Variants in MYCL observed in about 807,000 individuals in gnomAD.
The protein encoded by MYCL is MYCL proto-oncogene, bHLH transcription factor.
Under a neutral mutation model 31.0 loss-of-function variants are expected in MYCL, and 11 were observed. That is an observed-to-expected ratio of 0.35 (90% CI 0.22 to 0.59). The LOEUF (loss-of-function observed/expected upper bound fraction) is 0.59, where lower values mean the gene tolerates loss of function less well. Among genes scored for constraint, MYCL ranks in the 20% least tolerant of loss-of-function variants. The pLI, the probability that MYCL is intolerant of heterozygous loss-of-function variation, is 0.79. For synonymous variants in MYCL, 208 were observed against 202.4 expected, an observed-to-expected ratio of 1.03 and a Z score of -0.23; for missense variants, 427 against 486.1, an observed-to-expected ratio of 0.88 and a Z score of 1.14.
Position 39,901,751 on chromosome 1 carries a change from T to G in MYCL, c.-317A>C. The stretch of plus-strand genomic sequence containing the variant: ...GGCGCGCCGTGCCCAGAAGGCAGCC[T>G]GCAGCCAGCCCGCACCGCGGGACCC... On this transcript the variant is annotated 5_prime_UTR_variant, in exon 1 of 2. Transcript: ENST00000372816. The surrounding 1 kb of genome is among the most constrained non-coding windows in gnomAD (Gnocchi z 6.9). The G allele has an allele frequency of 8.2e-7, 1 of 1,213,370 alleles. No homozygotes were observed. Among genetic ancestry groups the G allele is most frequent in the Non-Finnish European group, 1.0e-6 (1 of 977,356 alleles). 75.2% of individuals were successfully genotyped at this position (1,213,370 alleles called of 1,614,324 possible).
Position 39,897,031 on chromosome 1 carries a change from C to A in MYCL, c.*341G>T, listed in dbSNP as rs1644489169. ...TGAGATTTCATGCAGGCTGGAGCCCCTGACAACATCCACCACCTGTTGCAT... is the reference window on the plus strand; with the variant it reads ...TGAGATTTCATGCAGGCTGGAGCCCATGACAACATCCACCACCTGTTGCAT... On this transcript the variant is annotated 3_prime_UTR_variant, in exon 2 of 2. Transcript: ENST00000372816. This position sits in a 1 kb window ranked among gnomAD's most constrained non-coding sequence, Gnocchi z 4.3. 3 of 279,940 alleles carry A rather than the reference C, an allele frequency of 1.1e-5. No homozygotes were observed. The East Asian group carries it at 1.7e-4, about 16-fold the overall frequency. 17.3% of individuals were successfully genotyped at this position (279,940 alleles called of 1,614,324 possible). A position where few individuals can be genotyped will look rare whatever the true frequency, so the allele number is the denominator to read the frequency against.
Position 39,897,465 on chromosome 1 carries a change from C to G in MYCL, c.1002G>C (p.Val334=). 6.2e-7 allele frequency: 1 copy of G among 1,614,248 alleles called. No homozygotes were observed. Among genetic ancestry groups the G allele is most frequent in the Non-Finnish European group, 8.5e-7 (1 of 1,180,028 alleles). ...SKALEYLQAL[V]GAEKRMATEK... ...CTGTAGCCATCCTCTTCTCAGCCCCCACCAGGGCTTGCAAGTATTCCAAGG... is the reference window on the plus strand; with the variant it reads ...CTGTAGCCATCCTCTTCTCAGCCCCGACCAGGGCTTGCAAGTATTCCAAGG... Residue 334 remains valine (V), a synonymous_variant, in exon 2 of 2, where the codon GTG becomes GTC. Coordinates refer to ENST00000372816, the MANE Select transcript of MYCL (RefSeq NM_001033081.3). The surrounding 1 kb of genome is among the most constrained non-coding windows in gnomAD (Gnocchi z 4.3).
At chr1:39,898,337 A>G (rs1174820264) in intron 1 of MYCL, among the ~76,000 whole-genome samples, 1 of 152,234 alleles carries the variant, frequency 6.6e-6, no homozygotes, top group African/African-American at 2.4e-5. Flanking sequence ...AGCTATAAAG[A>G]TCTTCCCCAG....
rs536695547 is a variant in MYCL, at chr1:39,895,635, T to TA, written c.*1736dup. On this transcript the variant is annotated 3_prime_UTR_variant, in exon 2 of 2. Coordinates refer to ENST00000372816, the MANE Select transcript of MYCL (RefSeq NM_001033081.3). ...GCAAAAGGCATACAAAAATACAATA[T>TA]AAAAAAAAAAGACTCCCCCAGCATA... The TA allele has an allele frequency of 2.9e-3, 582 of 202,794 alleles. No homozygotes were observed. The South Asian group carries it at 0.029, about 10-fold the overall frequency. 12.6% of individuals were successfully genotyped at this position (202,794 alleles called of 1,614,324 possible).
rs761835464 is a variant in MYCL at position 39,898,887 on chromosome 1, G to C, written c.497-917C>G. The C allele has an allele frequency of 6.2e-5, 61 of 985,424 alleles. 1 individual carries two copies. In the Middle Eastern group the frequency reaches 4.2e-3, roughly 68 times the overall value. 61.0% of individuals were successfully genotyped at this position (985,424 alleles called of 1,614,324 possible). A position where few individuals can be genotyped will look rare whatever the true frequency, so the allele number is the denominator to read the frequency against. ...AACCTAACCAGGAGAGGGGCAATTG[G>C]GAGAAAAGTCTCCTCCTGCTCCACA... On this transcript the variant is annotated intron_variant, in intron 1 of 1. Transcript: ENST00000372816.
Position 39,897,534 on chromosome 1 carries a change from C to T in MYCL, c.933G>A (p.Leu311=), listed in dbSNP as rs1421143642. The part of the protein sequence containing the change: ...FLALRDQVPT[L]ASCSKAPKVV... ...CTTTGGGGGCCTTGGAGCAGCTGGC[C>T]AGGGTGGGCACCTGGTCCCTCAGCG... Residue 311 remains leucine (L), a synonymous_variant, in exon 2 of 2, where the codon CTG becomes CTA. Transcript: ENST00000372816. This position sits in a 1 kb window ranked among gnomAD's most constrained non-coding sequence, Gnocchi z 4.3. The T allele has an allele frequency of 2.5e-6, 4 of 1,614,070 alleles. No individual in the cohort carries two copies. In the African/African-American group the frequency reaches 5.3e-5, roughly 22 times the overall value.
Position 39,901,013 on chromosome 1 carries a change from G to C in MYCL, c.422C>G (p.Ala141Gly). Residue 141 changes from alanine (A) to glycine (G), a missense_variant, in exon 1 of 2, where the codon GCG (alanine) becomes GGG (glycine). By Grantham distance (60) the Ala-to-Gly change is moderately conservative (BLOSUM62 0). Transcript: ENST00000372816. The surrounding 1 kb of genome is among the most constrained non-coding windows in gnomAD (Gnocchi z 6.9). The stretch of plus-strand genomic sequence containing the variant: ...GCCCAGCGGACAGGGGGCGGCGGGC[G>C]CCGGGTTGCCGGCTTCGAGGCTGGG... ...CTPSLEAGNP[A>G]PAAPCPLGEP... is the part of the protein sequence containing the mutation. 1 of 1,490,232 alleles carries C rather than the reference G, an allele frequency of 6.7e-7. No homozygotes were observed. Among genetic ancestry groups the C allele is most frequent in the Non-Finnish European group, 8.9e-7 (1 of 1,121,564 alleles). 92.3% of individuals were successfully genotyped at this position (1,490,232 alleles called of 1,614,324 possible).
At position 39,901,797 on chromosome 1, in the gene MYCL, C is replaced by T; in HGVS notation, c.-363G>A. 7.8e-7 allele frequency: 1 copy of T among 1,279,200 alleles called. No homozygotes were observed. The highest frequency in any genetic ancestry group is 1.0e-6 in the Non-Finnish European group (1 of 1,002,324). The allele number at this position is 1,279,200 out of a possible 1,614,324, so 79.2% of individuals were successfully genotyped here. On this transcript the variant is annotated 5_prime_UTR_variant, in exon 1 of 2. Transcript: ENST00000372816. The surrounding 1 kb of genome is among the most constrained non-coding windows in gnomAD (Gnocchi z 6.9). ...GACCCGCGCCCGTGCCCTGGCCACCCGCAGCCTCACCTCGCTCCAGCCGCC... is the reference window on the plus strand; with the variant it reads ...GACCCGCGCCCGTGCCCTGGCCACCTGCAGCCTCACCTCGCTCCAGCCGCC...
chr1:39,899,046 TC>T (rs1190531943), intron 1 of MYCL: 7 of 985,324 alleles, frequency 7.1e-6, no homozygotes, highest in Non-Finnish European at 8.4e-6. Context: ...GTGTGGACAA[TC>T]GCATTATTTC....
Position 39,898,255 on chromosome 1 carries a change from C to A in MYCL, c.497-285G>T, listed in dbSNP as rs566925399. ...AAGGCAGACCCAAGCCAACAGCCCC[C>A]AGTCTGCAAAGGCTCTCCCCTCCCC... On this transcript the variant is annotated intron_variant, in intron 1 of 1. Coordinates refer to ENST00000372816, the MANE Select transcript of MYCL (RefSeq NM_001033081.3). Among the ~76,000 whole-genome samples, 16 of 152,348 alleles carry A rather than the reference C, an allele frequency of 1.1e-4. 1 individual carries two copies. In the South Asian group the frequency reaches 3.3e-3, roughly 32 times the overall value.
chr1:39,899,652 T>C lies in MYCL; in HGVS notation c.496+1287A>G, dbSNP rs1484183539. On this transcript the variant is annotated intron_variant, in intron 1 of 1. Transcript: ENST00000372816. ...TTTATTGGTTTTTTGATCTCAAGAT[T>C]CTCTTTCCAGCCATTAAACAAACAT... 4 of 985,330 alleles carry C rather than the reference T, an allele frequency of 4.1e-6. No homozygotes were observed. The African/African-American group carries it at 7.0e-5, about 17-fold the overall frequency. 61.0% of individuals were successfully genotyped at this position (985,330 alleles called of 1,614,324 possible). A position where few individuals can be genotyped will look rare whatever the true frequency, so the allele number is the denominator to read the frequency against.
In MYCL at chr1:39,897,928, G is replaced by T. The variant is rs201943505; in HGVS notation, c.539C>A (p.Ser180Tyr). Residue 180 changes from serine (S) to tyrosine (Y), a missense_variant, in exon 2 of 2, where the codon TCT becomes TAT. Transcript: ENST00000372816. The surrounding 1 kb of genome is among the most constrained non-coding windows in gnomAD (Gnocchi z 4.3). ...IDVVTVEKRQ[S>Y]LGIRKPVTIT... ...GGTGACCGGCTTCCGAATACCCAGA[G>T]ACTGCCTCTTCTCTACTGTCACAAC... is the stretch of plus-strand genomic sequence containing the variant. The T allele has an allele frequency of 1.3e-4, 216 of 1,614,004 alleles. No homozygotes were observed. The highest frequency in any genetic ancestry group is 6.2e-5 in the Non-Finnish European group (73 of 1,180,032).
In MYCL at chr1:39,901,439, G is replaced by T; in HGVS notation, c.-5C>A. On this transcript the variant is annotated 5_prime_UTR_variant, in exon 1 of 2. Transcript: ENST00000372816. This position sits in a 1 kb window ranked among gnomAD's most constrained non-coding sequence, Gnocchi z 6.9. ...CTGGTACGAGTCGTAGTCCATGTCCGCTCCCTGCGGGAGGGAAGGGGGGAC... is the reference window on the plus strand; with the variant it reads ...CTGGTACGAGTCGTAGTCCATGTCCTCTCCCTGCGGGAGGGAAGGGGGGAC... 1 of 1,609,354 alleles carries T rather than the reference G, an allele frequency of 6.2e-7. No individual in the cohort carries two copies. The highest frequency in any genetic ancestry group is 8.5e-7 in the Non-Finnish European group (1 of 1,179,348).
At chr1:39,898,423 A>G (rs1644503802) in intron 1 of MYCL, among the ~76,000 whole-genome samples, 1 of 152,234 alleles carries the variant, frequency 6.6e-6, no homozygotes, top group South Asian at 2.1e-4. Context: ...CCTGCCCAGC[A>G]CAGCCTGCAC....
At chr1:39,900,678 C>T in intron 1 of MYCL, 1 of 1,381,736 alleles carries the variant, frequency 7.2e-7, no homozygotes, top group Non-Finnish European at 9.4e-7. Context: ...TAAGCGCCAA[C>T]CCTCACCTCA....
At chr1:39,899,675 CAT>C in intron 1 of MYCL, 3 of 985,414 alleles carry the variant, frequency 3.0e-6, no homozygotes, top group Non-Finnish European at 3.6e-6. Context: ...ATTAAACAAA[CAT>C]AAACTCTTGG....
In MYCL at chr1:39,901,383, C is replaced by G; in HGVS notation, c.52G>C (p.Asp18His). The change falls in exon 1 of 2, where the codon GAT (aspartate) becomes CAT (histidine). Residue 18 changes from aspartate to histidine, a missense_variant. Asp to His is a moderately conservative substitution (Grantham distance 81). Transcript: ENST00000372816. The surrounding 1 kb of genome is among the most constrained non-coding windows in gnomAD (Gnocchi z 6.9). ...CTGGGCGCCGTGGAGCGGTAGAAAT[C>G]CTCCCCGCAGTCATAGTCGTAGAAA... ...HYFYDYDCGE[D>H]FYRSTAPSED... is the part of the protein sequence containing the mutation. 1 of 1,612,918 alleles carries G rather than the reference C, an allele frequency of 6.2e-7. No homozygotes were observed. Among genetic ancestry groups the G allele is most frequent in the Non-Finnish European group, 8.5e-7 (1 of 1,179,728 alleles).
chr1:39,896,172 C>A lies in MYCL; in HGVS notation c.*1200G>T. 9.8e-6 allele frequency: 2 copies of A among 205,022 alleles called. No individual in the cohort carries two copies. Among genetic ancestry groups the A allele is most frequent in the Non-Finnish European group, 2.0e-5 (2 of 100,024 alleles). 12.7% of individuals were successfully genotyped at this position (205,022 alleles called of 1,614,324 possible). A position where few individuals can be genotyped will look rare whatever the true frequency, so the allele number is the denominator to read the frequency against. On this transcript the variant is annotated 3_prime_UTR_variant, in exon 2 of 2. Transcript: ENST00000372816. ...CTCCTGGAGGCTCCTTTAAAACCCACCAGAAGCAAGTCCACCTTCTGGAGC... is the reference window on the plus strand; with the variant it reads ...CTCCTGGAGGCTCCTTTAAAACCCAACAGAAGCAAGTCCACCTTCTGGAGC...
rs763844393 is a variant in MYCL, at chr1:39,901,283, G to C, written c.152C>G (p.Ala51Gly). Residue 51 changes from alanine (A) to glycine (G), a missense_variant, in exon 1 of 2, where the codon GCA becomes GGA. By Grantham distance (60) the Ala-to-Gly change is moderately conservative. Coordinates refer to ENST00000372816, the MANE Select transcript of MYCL (RefSeq NM_001033081.3). This position sits in a 1 kb window ranked among gnomAD's most constrained non-coding sequence, Gnocchi z 6.9. Reference sequence around the variant, plus strand: ...ACCAATCCCGGGGGCCGGGTCCCCTGCGCCGGGACCCAAGCCCCAGGGCGG... The same window carrying C: ...ACCAATCCCGGGGGCCGGGTCCCCTCCGCCGGGACCCAAGCCCCAGGGCGG... ...TSPPWGLGPG[A>G]GDPAPGIGPP... 5.6e-6 allele frequency: 9 copies of C among 1,600,840 alleles called. No individual in the cohort carries two copies. The highest frequency in any genetic ancestry group is 6.8e-6 in the Non-Finnish European group (8 of 1,174,342).
Sources: allele counts gnomAD v4.1 joint callset (sites outside exome capture counted in the v4.1 genomes callset), GRCh38; gene constraint gnomAD v4.1.1; non-coding constraint Gnocchi (gnomAD v3.1); transcripts MANE v1.5; gene names NCBI Gene and HGNC (gene_info 2026-07-23, HGNC 2026-07-21).